Variants in SEMA7A observed in about 807,000 individuals in gnomAD.
SEMA7A encodes semaphorin 7A (JohnMiltonHagen blood group), also known as semaphorin-7A.
A neutral mutation model predicts 67.5 loss-of-function variants in SEMA7A; 21 were observed. That is an observed-to-expected ratio of 0.31 (90% confidence interval 0.22 to 0.45). The LOEUF is 0.45. Ranked by LOEUF, SEMA7A falls within the 20% of genes least tolerant of loss-of-function variation. The probability of loss-of-function intolerance (pLI) is 1.00; values close to 1 mark genes in which losing one functional copy is unlikely to be tolerated. For synonymous variants in SEMA7A, 364 were observed against 368.5 expected, an observed-to-expected ratio of 0.99 and a Z score of 0.14; for missense variants, 774 against 908.6, an observed-to-expected ratio of 0.85 and a Z score of 1.90.
chr15:74,429,609 G>A lies in SEMA7A; in HGVS notation c.178+4132C>T, dbSNP rs571071720. On this transcript the variant is annotated intron_variant, in intron 1 of 13. Transcript: ENST00000261918. ...CTGTGACGGGGCTATGGCCTTGCCA[G>A]CACTCGAGAGGCCTTCCCTGCCTGC... Among the ~76,000 whole-genome samples, 23 of 152,356 alleles carry A rather than the reference G, an allele frequency of 1.5e-4. No individual in the cohort carries two copies. In the South Asian group the frequency reaches 4.8e-3, roughly 32 times the overall value.
In SEMA7A at chr15:74,410,476, G is replaced by A. The variant is rs1159509222; in HGVS notation, c.*148C>T. ...GCCCAGCAGCCGCCTGCGGCTGGAC[G>A]TCTCCAGGCCTGGCATCCTCCACTG... On this transcript the variant is annotated 3_prime_UTR_variant, in exon 14 of 14. Transcript: ENST00000261918. This position sits in a 1 kb window ranked among gnomAD's most constrained non-coding sequence, Gnocchi z 7.5. The A allele has an allele frequency of 2.3e-5, 28 of 1,225,460 alleles. No homozygotes were observed. The highest frequency in any genetic ancestry group is 3.1e-5 in the Non-Finnish European group (28 of 895,088). The allele number at this position is 1,225,460 out of a possible 1,614,324, so 75.9% of individuals were successfully genotyped here.
rs2075589 is a variant in SEMA7A, at chr15:74,417,634, G to A, written c.507C>T (p.Tyr169=). 215,826 of 1,611,964 alleles carry A rather than the reference G, an allele frequency of 0.13. 17,372 individuals carry two copies. The highest frequency in any genetic ancestry group is 0.35 in the African/African-American group (26,020 of 74,944). Reference sequence around the variant, plus strand: ...AGTTCTCGTCCGGGCTGAAGGGGGCGTAGCCTCTCATCTCGCCAAGTGGCA... The same window carrying A: ...AGTTCTCGTCCGGGCTGAAGGGGGCATAGCCTCTCATCTCGCCAAGTGGCA... The part of the protein sequence containing the change: ...TVVPLGEMRG[Y]APFSPDENSL... The change falls in exon 5 of 14, where the codon TAC becomes TAT. Residue 169 remains tyrosine (Y), a synonymous_variant. Transcript: ENST00000261918.
chr15:74,431,925 G>T (rs552026530), intron 1 of SEMA7A, among the ~76,000 whole-genome samples: 1 of 152,266 alleles, frequency 6.6e-6, no homozygotes, highest in Non-Finnish European at 1.5e-5. Flanking sequence ...AGCCAGTGTG[G>T]CTACAGCAGT....
rs968512595 is a variant in SEMA7A at position 74,430,360 on chromosome 15, G to T, written c.178+3381C>A. ...TGCCCAGCCCCTCCCATCCCAGAGA[G>T]AGAGAAATCCTAAGACATTAAATCT... On this transcript the variant is annotated intron_variant, in intron 1 of 13. Coordinates refer to ENST00000261918, the MANE Select transcript of SEMA7A (RefSeq NM_003612.5). Among the ~76,000 whole-genome samples the T allele has an allele frequency of 1.2e-4, 19 of 152,314 alleles. 1 individual carries two copies. In the South Asian group the frequency reaches 2.3e-3, roughly 18 times the overall value.
At chr15:74,421,251 C>T (rs773740810) in intron 1 of SEMA7A, among the ~76,000 whole-genome samples, 12 of 152,198 alleles carry the variant, frequency 7.9e-5, no homozygotes, top group Non-Finnish European at 1.3e-4. Context: ...AGCCACACCA[C>T]AGAAAACTTC....
At chr15:74,433,493 TG>T in intron 1 of SEMA7A, 1 of 1,108,772 alleles carries the variant, frequency 9.0e-7, no homozygotes, top group Non-Finnish European at 1.1e-6. Flanking sequence ...GCCAGGGACT[TG>T]GTGCGACTTA....
chr15:74,431,469 T>C (rs2061087879), intron 1 of SEMA7A, among the ~76,000 whole-genome samples: 1 of 152,300 alleles, frequency 6.6e-6, no homozygotes, highest in South Asian at 2.1e-4. Flanking sequence ...GAACTTTCCA[T>C]ACCTATTCCA....
At chr15:74,433,128 C>G (rs1199857784) in intron 1 of SEMA7A, among the ~76,000 whole-genome samples, 2 of 152,106 alleles carry the variant, frequency 1.3e-5, no homozygotes, top group African/African-American at 2.4e-5. Flanking sequence ...GAGGCAGCGC[C>G]CTGGTACCCC....
chr15:74,420,168 G>T (rs887275691), intron 1 of SEMA7A, among the ~76,000 whole-genome samples: 1 of 152,190 alleles, frequency 6.6e-6, no homozygotes. Flanking sequence ...TATTCCCATT[G>T]GAGCCATCCC....
chr15:74,425,220 T>C (rs572536764), intron 1 of SEMA7A, among the ~76,000 whole-genome samples: 1 of 152,228 alleles, frequency 6.6e-6, no homozygotes, highest in Non-Finnish European at 1.5e-5. Flanking sequence ...CACCCAACCC[T>C]TCCATCGCAT....
In SEMA7A at chr15:74,411,552, G is replaced by C; in HGVS notation, c.1577+4C>G. ...CCAGGGACGAGGGATCCCGGCCAACGTACCGTTCGGAGCTGTAGATGGAGA... is the reference window on the plus strand; with the variant it reads ...CCAGGGACGAGGGATCCCGGCCAACCTACCGTTCGGAGCTGTAGATGGAGA... On this transcript the variant is annotated splice_donor_region_variant and intron_variant, in intron 12 of 13. Coordinates refer to ENST00000261918, the MANE Select transcript of SEMA7A (RefSeq NM_003612.5). This position sits in a 1 kb window ranked among gnomAD's most constrained non-coding sequence, Gnocchi z 4.4. The C allele has an allele frequency of 6.4e-7, 1 of 1,553,918 alleles. No homozygotes were observed. The highest frequency in any genetic ancestry group is 8.7e-7 in the Non-Finnish European group (1 of 1,148,418).
chr15:74,418,082 G>A, intron 3 of SEMA7A, 113 bp from the exon 4 acceptor site: 2 of 1,299,480 alleles, frequency 1.5e-6, no homozygotes, highest in Non-Finnish European at 2.2e-6. Flanking sequence ...GCTTAGCATA[G>A]GTGACAGCCT....
Position 74,423,853 on chromosome 15 carries a change from C to T in SEMA7A, c.179-4901G>A, listed in dbSNP as rs1045286255. On this transcript the variant is annotated intron_variant, in intron 1 of 13. Coordinates refer to ENST00000261918, the MANE Select transcript of SEMA7A (RefSeq NM_003612.5). The surrounding 1 kb of genome is among the most constrained non-coding windows in gnomAD (Gnocchi z 4.1). ...GAAGAGGGTGTGAGAAGCCTGGTTT[C>T]CAGGGTGGCACCGGCTCGGTGCTAA... Among the ~76,000 whole-genome samples the T allele has an allele frequency of 2.0e-5, 3 of 152,162 alleles. No homozygotes were observed. The highest frequency in any genetic ancestry group is 7.2e-5 in the African/African-American group (3 of 41,432).
chr15:74,430,031 A>G (rs1278822984), intron 1 of SEMA7A, among the ~76,000 whole-genome samples: 3 of 152,134 alleles, frequency 2.0e-5, no homozygotes, highest in Non-Finnish European at 4.4e-5. Context: ...TTATCTGCCC[A>G]TCTACATCTA....
Position 74,414,853 on chromosome 15 carries a change from G to A in SEMA7A, c.1080C>T (p.Asn360=), listed in dbSNP as rs2060932905. 1.9e-6 allele frequency: 3 copies of A among 1,614,108 alleles called. No homozygotes were observed. Among genetic ancestry groups the A allele is most frequent in the Admixed American group, 1.7e-5 (1 of 60,008 alleles). ...SLKGYHSSLP[N]PRPGKCLPDQ... ...TCACGCTCACCTTGCCAGGCCGCGGGTTGGGAAGGCTTGAGTGGTAGCCCT... is the reference window on the plus strand; with the variant it reads ...TCACGCTCACCTTGCCAGGCCGCGGATTGGGAAGGCTTGAGTGGTAGCCCT... The change falls in exon 9 of 14, where the codon AAC becomes AAT. Residue 360 remains asparagine (N), a synonymous_variant. Coordinates refer to ENST00000261918, the MANE Select transcript of SEMA7A (RefSeq NM_003612.5). This position sits in a 1 kb window ranked among gnomAD's most constrained non-coding sequence, Gnocchi z 4.1.
At chr15:74,418,982 G>T (rs376499487) in intron 1 of SEMA7A, 30 bp from the exon 2 acceptor site, 1 of 1,606,868 alleles carries the variant, frequency 6.2e-7, no homozygotes, top group South Asian at 1.1e-5. Flanking sequence ...TAGAAACATT[G>T]AAGCCAGGTC....
At chr15:74,413,863 G>C (rs1469567323) in intron 10 of SEMA7A, among the ~76,000 whole-genome samples, 2 of 152,152 alleles carry the variant, frequency 1.3e-5, no homozygotes, top group Non-Finnish European at 2.9e-5. Flanking sequence ...GGTGCTAGAG[G>C]CCCTTTCCAG....
Position 74,411,302 on chromosome 15 carries a change from G to C in SEMA7A, c.1632C>G (p.Pro544=), listed in dbSNP as rs1450334968. The change falls in exon 13 of 14, where the codon CCC becomes CCG. Residue 544 remains proline, a synonymous_variant. Transcript: ENST00000261918. This position sits in a 1 kb window ranked among gnomAD's most constrained non-coding sequence, Gnocchi z 4.4. The stretch of plus-strand genomic sequence containing the variant: ...CAGGGCCAGATCAGGTACCTGGTTT[G>C]GGGTTGGGACACTCCTTGTGTGGCT... The part of the protein sequence containing the change: ...PAEPHKECPN[P]KPDKAPLQKV... 8 of 1,613,876 alleles carry C rather than the reference G, an allele frequency of 5.0e-6. No homozygotes were observed. The African/African-American group carries it at 1.1e-4, about 22-fold the overall frequency.
In SEMA7A at chr15:74,410,398, T is replaced by A. The variant is rs1473307680; in HGVS notation, c.*226A>T. Reference sequence around the variant, plus strand: ...AGTCTTGGGTCATCGATGCCCCAGCTTCACAGTCGGTGCCCTCATTCTCAG... The same window carrying A: ...AGTCTTGGGTCATCGATGCCCCAGCATCACAGTCGGTGCCCTCATTCTCAG... On this transcript the variant is annotated 3_prime_UTR_variant, in exon 14 of 14. Transcript: ENST00000261918. This position sits in a 1 kb window ranked among gnomAD's most constrained non-coding sequence, Gnocchi z 7.5. The A allele has an allele frequency of 7.4e-6, 4 of 538,262 alleles. No homozygotes were observed. The highest frequency in any genetic ancestry group is 1.3e-5 in the Non-Finnish European group (4 of 313,712). The allele number at this position is 538,262 out of a possible 1,614,324, so 33.3% of individuals were successfully genotyped here.
Sources: gnomAD v4.1 joint callset for allele counts (sites outside exome capture counted in the v4.1 genomes callset) on GRCh38, gnomAD v4.1.1 for gene constraint, Gnocchi (gnomAD v3.1) non-coding constraint, MANE v1.5 for transcripts, NCBI Gene and HGNC (gene_info 2026-07-23, HGNC 2026-07-21) for gene names.